The following CACNA1I variants were observed in gnomAD, a reference collection of about 807,000 sequenced individuals.
CACNA1I encodes the protein calcium voltage-gated channel subunit alpha1 I, also known as voltage-dependent T-type calcium channel subunit alpha-1I.
In CACNA1I, 74 loss-of-function variants were observed where a neutral mutation model predicts 201.6. That is an observed-to-expected ratio of 0.37 (90% CI 0.30 to 0.45). CACNA1I has a LOEUF of 0.45. CACNA1I is among the 20% of genes least tolerant of loss of function. The pLI, the probability that CACNA1I is intolerant of heterozygous loss-of-function variation, is 1.00. For synonymous variants in CACNA1I, 1,431 were observed against 1,345.2 expected (o/e 1.06, Z -1.40); for missense variants, 2,346 against 3,138.1 (o/e 0.75, Z 6.03).
intron 11 of CACNA1I, 24 bp downstream of exon 11, chr22:39,658,327 G>A (rs1934891876): frequency 6.2e-7 from 1 of 1,608,572 alleles, no homozygotes; most frequent in Non-Finnish European, 8.5e-7. Flanking sequence ...AACCCACCCG[G>A]CAGCAGAGTG....
intron 4 of CACNA1I, among the ~76,000 whole-genome samples, chr22:39,622,465 G>C (rs559221115): frequency 2.2e-4 from 34 of 152,064 alleles, no homozygotes; most frequent in African/African-American, 7.5e-4. Flanking sequence ...TACAGGCTGG[G>C]TGGACCAAGG....
Position 39,661,102 on chromosome 22 carries a change from C to T in CACNA1I, c.2699-6C>T, listed in dbSNP as rs1934992620. Reference sequence around the variant, plus strand: ...CCCTCCCTCTGTCTCCATCTCACTCCTCCAGATCCCAAGCTCTGCCCAATC... The same window carrying T: ...CCCTCCCTCTGTCTCCATCTCACTCTTCCAGATCCCAAGCTCTGCCCAATC... On this transcript the variant is annotated splice_region_variant and splice_polypyrimidine_tract_variant and intron_variant, in intron 15 of 36. Coordinates refer to ENST00000402142, the MANE Select transcript of CACNA1I (RefSeq NM_021096.4). 9 of 1,612,372 alleles carry T rather than the reference C, an allele frequency of 5.6e-6. No homozygotes were observed. The highest frequency in any genetic ancestry group is 7.6e-6 in the Non-Finnish European group (9 of 1,178,966).
chr22:39,607,926 A>G (rs935468997), intron 3 of CACNA1I, among the ~76,000 whole-genome samples: 2 of 150,156 alleles, frequency 1.3e-5, no homozygotes, highest in Non-Finnish European at 3.0e-5. Context: ...CAGGAGTTCG[A>G]GACCAACATG....
intron 10 of CACNA1I, among the ~76,000 whole-genome samples, chr22:39,655,664 ATCTG>A (rs944733307): frequency 2.7e-5 from 4 of 150,658 alleles, no homozygotes; most frequent in South Asian, 2.1e-4. Context: ...CCTTGTCTCT[ATCTG>A]TCTGTCTGTC....
Position 39,684,560 on chromosome 22 carries a change from G to A in CACNA1I, c.6027+62G>A, listed in dbSNP as rs753200739. 2.6e-6 allele frequency: 4 copies of A among 1,546,100 alleles called. No homozygotes were observed. The highest frequency in any genetic ancestry group is 2.7e-5 in the African/African-American group (2 of 73,400). ...TGGGCAAGGGGCAGGATCTAAGCCA[G>A]GCCTGGAAGTCCAAGGGACTGGGAG... On this transcript the variant is annotated intron_variant, in intron 36 of 36. Coordinates refer to ENST00000402142, the MANE Select transcript of CACNA1I (RefSeq NM_021096.4). The surrounding 1 kb of genome is among the most constrained non-coding windows in gnomAD (Gnocchi z 4.6).
Position 39,661,209 on chromosome 22 carries a change from C to T in CACNA1I, c.2800C>T (p.Pro934Ser). ...TCCTGCTGGGGCTGCGGGACCTGCC[C>T]CCCGACTCTCACTGCAGCCGGACCC... is the stretch of plus-strand genomic sequence containing the variant. ...LGPAGAAGPA[P>S]RLSLQPDPML... The change falls in exon 16 of 37, where the codon CCC (proline) becomes TCC (serine). Residue 934 changes from proline to serine, a missense_variant. This residue lies in a region of CACNA1I where 92 missense variants were observed against 114.5 expected (regional missense o/e 0.80). Transcript: ENST00000402142. 3 of 1,612,346 alleles carry T rather than the reference C, an allele frequency of 1.9e-6. No individual in the cohort carries two copies. The highest frequency in any genetic ancestry group is 1.7e-6 in the Non-Finnish European group (2 of 1,179,406).
intron 20 of CACNA1I, 54 bp downstream of exon 20, chr22:39,664,213 C>A: frequency 7.0e-7 from 1 of 1,436,314 alleles, no homozygotes; most frequent in Non-Finnish European, 9.7e-7. Context: ...GGCCCCTGGC[C>A]CTGGGTCAGC....
chr22:39,643,859 C>T (rs1934408383), intron 7 of CACNA1I, among the ~76,000 whole-genome samples: 2 of 152,262 alleles, frequency 1.3e-5, no homozygotes, highest in African/African-American at 4.8e-5. Flanking sequence ...ATTCAGGAAA[C>T]CCACACTGCA....
chr22:39,676,185 C>T lies in CACNA1I; in HGVS notation c.4855-1156C>T, dbSNP rs375121183. Among the ~76,000 whole-genome samples, 12 of 152,240 alleles carry T rather than the reference C, an allele frequency of 7.9e-5. No individual in the cohort carries two copies. The highest frequency in any genetic ancestry group is 4.1e-4 in the South Asian group (2 of 4,838). On this transcript the variant is annotated intron_variant, in intron 29 of 36. Coordinates refer to ENST00000402142, the MANE Select transcript of CACNA1I (RefSeq NM_021096.4). The surrounding 1 kb of genome is among the most constrained non-coding windows in gnomAD (Gnocchi z 4.8). ...CCTGGTTAAGAGATGCTGCCCCCGCCGGCCTGTGCAGGGCACAAAGCTGAA... is the reference window on the plus strand; with the variant it reads ...CCTGGTTAAGAGATGCTGCCCCCGCTGGCCTGTGCAGGGCACAAAGCTGAA...
At chr22:39,617,339 C>T (rs1428834353) in intron 3 of CACNA1I, among the ~76,000 whole-genome samples, 3 of 152,220 alleles carry the variant, frequency 2.0e-5, no homozygotes, top group Non-Finnish European at 4.4e-5. Context: ...TGGGAGCCCC[C>T]ATCTCCAGCT....
Position 39,648,874 on chromosome 22 carries a change from C to G in CACNA1I, c.1568-627C>G, listed in dbSNP as rs553452821. 6.6e-6 allele frequency among the ~76,000 whole-genome samples: 1 copy of G among 152,070 alleles called. No individual in the cohort carries two copies. The highest frequency in any genetic ancestry group is 1.9e-4 in the East Asian group (1 of 5,162). On this transcript the variant is annotated intron_variant, in intron 9 of 36. Transcript: ENST00000402142. The surrounding 1 kb of genome is among the most constrained non-coding windows in gnomAD (Gnocchi z 5.4). ...CGGGGCAGCAAAGGGATGAAGTTCCCTCTTCCCAGGGGCCCTTCCTGCCCG... is the reference window on the plus strand; with the variant it reads ...CGGGGCAGCAAAGGGATGAAGTTCCGTCTTCCCAGGGGCCCTTCCTGCCCG...
chr22:39,654,937 C>A (rs1934766800), intron 10 of CACNA1I, among the ~76,000 whole-genome samples: 1 of 152,082 alleles, frequency 6.6e-6, no homozygotes, highest in East Asian at 1.9e-4. Context: ...GAAAGGCTTG[C>A]AAGCAAATGA....
chr22:39,643,678 C>A (rs528981498), intron 7 of CACNA1I, among the ~76,000 whole-genome samples: 1 of 152,328 alleles, frequency 6.6e-6, no homozygotes, highest in South Asian at 2.1e-4. Flanking sequence ...TGACCTGGGG[C>A]CCCAGAACAG....
At chr22:39,601,835 TTCCCTCCC>T (rs1300230702) in intron 3 of CACNA1I, among the ~76,000 whole-genome samples, 8 of 79,106 alleles carry the variant, frequency 1.0e-4, no homozygotes, top group Non-Finnish European at 1.2e-4. Context: ...CCTTCCTTCC[TTCCCTCCC>T]TCCCTCCCTC....
At chr22:39,653,356 C>T (rs114024717) in intron 10 of CACNA1I, among the ~76,000 whole-genome samples, 3,441 of 152,304 alleles carry the variant, frequency 0.023, 131 homozygotes, top group African/African-American at 0.078. Context: ...CCATGGTCTC[C>T]TGGGCTCTGC....
At chr22:39,641,448 G>A (rs1934349133) in intron 6 of CACNA1I, among the ~76,000 whole-genome samples, 1 of 152,256 alleles carries the variant, frequency 6.6e-6, no homozygotes, top group Admixed American at 6.5e-5. Flanking sequence ...CAAAGCCTGA[G>A]CTCTTTGCAG....
chr22:39,591,315 C>G (rs1932819087), intron 1 of CACNA1I, among the ~76,000 whole-genome samples: 1 of 151,814 alleles, frequency 6.6e-6, no homozygotes, highest in Non-Finnish European at 1.5e-5. Context: ...ATGCCCGCCA[C>G]CACGCCCAGT....
intron 34 of CACNA1I, among the ~76,000 whole-genome samples, chr22:39,682,267 T>C (rs1348486710): frequency 2.0e-5 from 3 of 152,214 alleles, no homozygotes; most frequent in African/African-American, 7.2e-5. Context: ...TGGGCCAGGG[T>C]CTGTACCAGG....
At chr22:39,680,444 C>T (rs554749924) in intron 33 of CACNA1I, among the ~76,000 whole-genome samples, 93 of 152,310 alleles carry the variant, frequency 6.1e-4, no homozygotes, top group African/African-American at 2.2e-3. Context: ...GGCAGGTCCC[C>T]AGGAACCATC....
Sources: gnomAD v4.1 joint callset for allele counts (sites outside exome capture counted in the v4.1 genomes callset) on GRCh38, gnomAD v4.1.1 for gene constraint, gnomAD v4.1.1 regional missense constraint, Gnocchi (gnomAD v3.1) non-coding constraint, MANE v1.5 for transcripts, NCBI Gene and HGNC (gene_info 2026-07-23, HGNC 2026-07-21) for gene names.